The following ANKS1B variants were observed in gnomAD, a reference collection of about 807,000 sequenced individuals.
ANKS1B encodes ankyrin repeat and sterile alpha motif domain containing 1B, also known as ankyrin repeat and sterile alpha motif domain-containing protein 1B.
A neutral mutation model predicts 148.3 loss-of-function variants in ANKS1B; 36 were observed. That is an observed-to-expected ratio of 0.24 (90% CI 0.19 to 0.32). ANKS1B has a LOEUF of 0.32. Ranked by LOEUF, ANKS1B falls within the 10% of genes least tolerant of loss-of-function variation. The pLI is 1.00. For missense variants in ANKS1B, 1,157 were observed against 1,542.6 expected (o/e 0.75, Z 4.19); for synonymous variants, 542 against 560.8 (o/e 0.97, Z 0.47).
At chr12:99,677,328 C>G (rs2098581978) in intron 8 of ANKS1B, among the ~76,000 whole-genome samples, 1 of 151,966 alleles carries the variant, frequency 6.6e-6, no homozygotes, top group Non-Finnish European at 1.5e-5. Context: ...CTCCTCCAAA[C>G]TGTTTGTTTT....
chr12:98,789,419 G>T (rs75659564), intron 22 of ANKS1B, among the ~76,000 whole-genome samples: 7,099 of 147,322 alleles, frequency 0.048, 519 homozygotes, highest in African/African-American at 0.16. Flanking sequence ...AAGATGTATA[G>T]TTTTTTTTTT....
intron 10 of ANKS1B, among the ~76,000 whole-genome samples, chr12:99,462,092 A>T (rs1223281962): frequency 6.6e-6 from 1 of 152,208 alleles, no homozygotes; most frequent in Admixed American, 6.5e-5. Context: ...TTTACCACAT[A>T]CACTGAGCAA....
chr12:99,615,758 C>T (rs1421540119), intron 9 of ANKS1B, among the ~76,000 whole-genome samples: 1 of 152,144 alleles, frequency 6.6e-6, no homozygotes, highest in Non-Finnish European at 1.5e-5. Context: ...TTTCTCACCA[C>T]TCCTATGCAA....
intron 9 of ANKS1B, among the ~76,000 whole-genome samples, chr12:99,624,958 C>T (rs2088787): frequency 1.1e-4 from 17 of 152,218 alleles, no homozygotes; most frequent in Admixed American, 1.0e-3. Context: ...ATGTTTATCA[C>T]AGCACTATTC....
At chr12:99,343,961 G>A (rs2090302163) in intron 12 of ANKS1B, among the ~76,000 whole-genome samples, 1 of 152,014 alleles carries the variant, frequency 6.6e-6, no homozygotes, top group South Asian at 2.1e-4. Context: ...AATAAGCCAT[G>A]TTCCCAGAAT....
chr12:99,798,907 AT>A (rs1179932959), intron 4 of ANKS1B, among the ~76,000 whole-genome samples: 2 of 151,930 alleles, frequency 1.3e-5, no homozygotes, highest in African/African-American at 4.8e-5. Context: ...TGCTTCTTGA[AT>A]TTTGATCATC....
chr12:98,895,231 C>T, intron 17 of ANKS1B: 2 of 985,560 alleles, frequency 2.0e-6, no homozygotes, highest in Non-Finnish European at 2.4e-6. Context: ...CGCGCGGGGG[C>T]CTCCTCCTGG....
intron 15 of ANKS1B, among the ~76,000 whole-genome samples, chr12:99,136,220 G>A (rs529491003): frequency 5.3e-4 from 81 of 152,292 alleles, no homozygotes; most frequent in African/African-American, 1.9e-3. Flanking sequence ...CCCAGGTATG[G>A]GGTTTTCATT....
rs1042414097 is a variant in ANKS1B at position 98,947,157 on chromosome 12, A to G, written c.2778+106000T>C. Among the ~76,000 whole-genome samples the G allele has an allele frequency of 2.6e-5, 4 of 152,134 alleles. No homozygotes were observed. In the East Asian group the frequency reaches 7.7e-4, roughly 29 times the overall value. ...TAACAGGGAGCCCTGTGGGTCTTTT[A>G]GCCCAGTGCAGAAGCATTTTGTTTG... On this transcript the variant is annotated intron_variant, in intron 17 of 26. Transcript: ENST00000683438.
rs541666220 is a variant in ANKS1B at position 99,842,374 on chromosome 12, T to C, written c.135-16985A>G. Among the ~76,000 whole-genome samples the C allele has an allele frequency of 2.3e-4, 35 of 152,260 alleles. No homozygotes were observed. In the Middle Eastern group the frequency reaches 0.01, roughly 44 times the overall value. ...AGTATGTAGTTTTTGTTATGTTACATGTGACAAAAGTTCTTTGATTAACCA... is the reference window on the plus strand; with the variant it reads ...AGTATGTAGTTTTTGTTATGTTACACGTGACAAAAGTTCTTTGATTAACCA... On this transcript the variant is annotated intron_variant, in intron 1 of 26. Coordinates refer to ENST00000683438, the MANE Select transcript of ANKS1B (RefSeq NM_001352186.2).
intron 14 of ANKS1B, among the ~76,000 whole-genome samples, chr12:99,218,691 T>C (rs555437936): frequency 4.5e-4 from 68 of 152,330 alleles, no homozygotes; most frequent in Non-Finnish European, 5.1e-4. Flanking sequence ...CTTGGGTAAG[T>C]TTCTTAATCT....
chr12:99,638,460 CAA>C (rs2098266209), intron 9 of ANKS1B, among the ~76,000 whole-genome samples: 1 of 152,122 alleles, frequency 6.6e-6, no homozygotes, highest in African/African-American at 2.4e-5. Flanking sequence ...TATGCTTTAG[CAA>C]AGAGACTGGT....
At chr12:99,209,212 A>G (rs1210286135) in intron 14 of ANKS1B, among the ~76,000 whole-genome samples, 2 of 152,214 alleles carry the variant, frequency 1.3e-5, no homozygotes, top group African/African-American at 2.4e-5. Flanking sequence ...CCAGCAAAAC[A>G]AAACTCGGAA....
intron 10 of ANKS1B, among the ~76,000 whole-genome samples, chr12:99,482,946 T>C (rs959689305): frequency 3.3e-5 from 5 of 151,928 alleles, no homozygotes; most frequent in African/African-American, 1.2e-4. Flanking sequence ...AAATATCATC[T>C]GCAAACAGCA....
At chr12:99,830,127 C>G (rs1368365875) in intron 1 of ANKS1B, among the ~76,000 whole-genome samples, 1 of 152,160 alleles carries the variant, frequency 6.6e-6, no homozygotes, top group African/African-American at 2.4e-5. Flanking sequence ...AATGGACACT[C>G]TCCAAGTTCT....
At chr12:99,459,989 T>C (rs563337815) in intron 10 of ANKS1B, among the ~76,000 whole-genome samples, 4 of 152,100 alleles carry the variant, frequency 2.6e-5, no homozygotes, top group Non-Finnish European at 4.4e-5. Flanking sequence ...AGGCATTACA[T>C]TACTGAACTT....
At chr12:99,041,373 A>T (rs545974554) in intron 17 of ANKS1B, among the ~76,000 whole-genome samples, 1 of 152,190 alleles carries the variant, frequency 6.6e-6, no homozygotes, top group African/African-American at 2.4e-5. Flanking sequence ...TTGCAATTTA[A>T]TTTTCTAAAA....
chr12:98,869,456 G>A (rs943268096), intron 17 of ANKS1B, among the ~76,000 whole-genome samples: 4 of 152,122 alleles, frequency 2.6e-5, no homozygotes, highest in Non-Finnish European at 5.9e-5. Flanking sequence ...CAAAGGAACT[G>A]TGAGACCCTG....
chr12:99,147,133 A>G (rs1440135628), intron 15 of ANKS1B, among the ~76,000 whole-genome samples: 1 of 152,114 alleles, frequency 6.6e-6, no homozygotes, highest in Non-Finnish European at 1.5e-5. Flanking sequence ...GTGGGGATAG[A>G]TGGACAAGTA....
Sources: allele counts gnomAD v4.1 joint callset (sites outside exome capture counted in the v4.1 genomes callset), GRCh38; gene constraint gnomAD v4.1.1; transcripts MANE v1.5; gene names NCBI Gene and HGNC (gene_info 2026-07-23, HGNC 2026-07-21).